GSR: variants seen among roughly 807,000 people sequenced by gnomAD.
GSR encodes glutathione reductase, mitochondrial.
Under a neutral mutation model 56.5 loss-of-function variants are expected in GSR, and 48 were observed. The observed-to-expected ratio is 0.85, with a 90% CI of 0.67 to 1.08. The LOEUF (loss-of-function observed/expected upper bound fraction) is 1.08, where lower values mean the gene tolerates loss of function less well. Ranked by LOEUF, GSR falls within the 50% of genes least tolerant of loss-of-function variation. GSR has a pLI of 0.00. For missense variants in GSR, 694 were observed against 703.3 expected, an observed-to-expected ratio of 0.99 and a Z score of 0.15; for synonymous variants, 264 against 270.8, an observed-to-expected ratio of 0.97 and a Z score of 0.25.
chr8:30,688,457 T>C (rs766645185), intron 9 of GSR, among the ~76,000 whole-genome samples: 2 of 151,134 alleles, frequency 1.3e-5, no homozygotes, highest in African/African-American at 4.9e-5. Flanking sequence ...CACATTCCTG[T>C]AGCTCCAGCT....
At chr8:30,719,388 T>C (rs1804453088) in intron 1 of GSR, among the ~76,000 whole-genome samples, 1 of 152,004 alleles carries the variant, frequency 6.6e-6, no homozygotes, top group Non-Finnish European at 1.5e-5. Flanking sequence ...AGTGCTGGGA[T>C]TACTGGCCTG....
intron 5 of GSR, among the ~76,000 whole-genome samples, chr8:30,701,503 A>G (rs1243003201): frequency 1.4e-5 from 2 of 138,768 alleles, no homozygotes; most frequent in African/African-American, 5.4e-5. Context: ...TATATGTTGC[A>G]TTTTGGCCGG....
chr8:30,681,051 TA>T lies in GSR; in HGVS notation c.1286-15del. ...GAATGGCTTCATCTACAATGCACAT[TA>T]AAAAAAGCATCTATCAGAAAACTAA... On this transcript the variant is annotated splice_polypyrimidine_tract_variant and intron_variant, in intron 11 of 12. Coordinates refer to ENST00000221130, the MANE Select transcript of GSR (RefSeq NM_000637.5). 6.9e-6 allele frequency: 11 copies of T among 1,600,078 alleles called. No individual in the cohort carries two copies. Among genetic ancestry groups the T allele is most frequent in the African/African-American group, 1.3e-5 (1 of 74,732 alleles).
intron 4 of GSR, 80 bp downstream of exon 4, chr8:30,707,992 G>T: frequency 1.1e-6 from 1 of 874,756 alleles, no homozygotes. Context: ...AAATAAATAG[G>T]GCTACAGTCT....
chr8:30,681,335 G>C (rs997903921), intron 11 of GSR, among the ~76,000 whole-genome samples: 1 of 152,090 alleles, frequency 6.6e-6, no homozygotes, highest in Non-Finnish European at 1.5e-5. Flanking sequence ...ATTGAGACCA[G>C]CCTGGGCAAC....
chr8:30,685,361 G>T (rs972909835), intron 9 of GSR, among the ~76,000 whole-genome samples: 1 of 152,094 alleles, frequency 6.6e-6, no homozygotes, highest in Non-Finnish European at 1.5e-5. Context: ...AAAGCACTGG[G>T]GTTACAGGTG....
chr8:30,706,343 T>C (rs1225646497), intron 4 of GSR, among the ~76,000 whole-genome samples: 1 of 151,170 alleles, frequency 6.6e-6, no homozygotes, highest in Non-Finnish European at 1.5e-5. Flanking sequence ...CTACTAAAAA[T>C]ACAAAAAAAA....
At chr8:30,704,167 A>G (rs1407693073) in intron 4 of GSR, among the ~76,000 whole-genome samples, 1 of 152,076 alleles carries the variant, frequency 6.6e-6, no homozygotes, top group Admixed American at 6.6e-5. Context: ...TCTACTAAAA[A>G]TATAAAAATT....
chr8:30,679,276 TA>T lies in GSR; in HGVS notation c.*243del, dbSNP rs745646630. On this transcript the variant is annotated 3_prime_UTR_variant, in exon 13 of 13. Coordinates refer to ENST00000221130, the MANE Select transcript of GSR (RefSeq NM_000637.5). ...AAAAAAACTAGCACAGAGCTGTTAATAAAAAAAAAACTTGAAAATATTAATT... is the reference window on the plus strand; with the variant it reads ...AAAAAAACTAGCACAGAGCTGTTAATAAAAAAAAACTTGAAAATATTAATT... 529 of 452,654 alleles carry T rather than the reference TA, an allele frequency of 1.2e-3. No homozygotes were observed. The highest frequency in any genetic ancestry group is 1.5e-3 in the East Asian group (36 of 24,726). 28.0% of individuals were successfully genotyped at this position (452,654 alleles called of 1,614,324 possible). A position where few individuals can be genotyped will look rare whatever the true frequency, so the allele number is the denominator to read the frequency against.
chr8:30,698,893 C>A (rs1253138809), intron 6 of GSR, among the ~76,000 whole-genome samples: 1 of 152,188 alleles, frequency 6.6e-6, no homozygotes, highest in Non-Finnish European at 1.5e-5. Flanking sequence ...CACCTCTTCT[C>A]ACAAGTGACA....
intron 5 of GSR, among the ~76,000 whole-genome samples, chr8:30,701,964 T>C (rs995335039): frequency 6.6e-6 from 1 of 150,970 alleles, no homozygotes; most frequent in Admixed American, 6.6e-5. Context: ...CTAAACGTCC[T>C]GGTCAAGGCC....
chr8:30,685,975 G>A (rs1428539257), intron 9 of GSR, among the ~76,000 whole-genome samples: 2 of 90,052 alleles, frequency 2.2e-5, no homozygotes, highest in Non-Finnish European at 3.9e-5. Context: ...AACAGAAAGA[G>A]ACTCTGCCTC....
intron 2 of GSR, among the ~76,000 whole-genome samples, chr8:30,711,266 T>C (rs1212920801): frequency 1.3e-5 from 2 of 152,188 alleles, no homozygotes; most frequent in Non-Finnish European, 2.9e-5. Context: ...TTACAACATA[T>C]GTTGAAAGTA....
chr8:30,692,716 G>A (rs930239477), intron 8 of GSR, among the ~76,000 whole-genome samples: 1 of 151,622 alleles, frequency 6.6e-6, no homozygotes, highest in Non-Finnish European at 1.5e-5. Context: ...TGGCCAGGCT[G>A]TTCTCGAAGT....
chr8:30,680,752 C>T, intron 12 of GSR, 152 bp downstream of exon 12: 1 of 744,804 alleles, frequency 1.3e-6, no homozygotes, highest in Non-Finnish European at 2.4e-6. Flanking sequence ...TTATGAAGAA[C>T]CCCAAAATGC....
Position 30,700,109 on chromosome 8 carries a change from C to T in GSR, c.667G>A (p.Gly223Arg), listed in dbSNP as rs1256371607. Residue 223 changes from glycine to arginine, a missense_variant, in exon 6 of 13, where the codon GGA becomes AGA. Physicochemically the swap from Gly to Arg is moderately radical, Grantham distance 125. Coordinates refer to ENST00000221130, the MANE Select transcript of GSR (RefSeq NM_000637.5). ...PGASLGITSD[G>R]FFQLEELPGR... ...GGCAATTCTTCCAGCTGAAAAAATC[C>T]ATCGCTGGTTATTCCTAAGCTGGCA... 6.2e-7 allele frequency: 1 copy of T among 1,613,448 alleles called. No individual in the cohort carries two copies. The highest frequency in any genetic ancestry group is 1.7e-5 in the Admixed American group (1 of 59,988).
chr8:30,715,632 C>T (rs534405262), intron 1 of GSR, among the ~76,000 whole-genome samples: 2 of 152,204 alleles, frequency 1.3e-5, no homozygotes, highest in Non-Finnish European at 2.9e-5. Context: ...TTTAAGTTCA[C>T]TAAGTGGCTT....
chr8:30,685,619 T>C (rs1803133630), intron 9 of GSR, among the ~76,000 whole-genome samples: 1 of 152,068 alleles, frequency 6.6e-6, no homozygotes, highest in Non-Finnish European at 1.5e-5. Flanking sequence ...GCTTTGCAAA[T>C]CCTAAGTATA....
intron 1 of GSR, among the ~76,000 whole-genome samples, chr8:30,713,469 A>G (rs2061449695): frequency 6.6e-6 from 1 of 150,490 alleles, no homozygotes; most frequent in Non-Finnish European, 1.5e-5. Flanking sequence ...AGCAATTCTC[A>G]TGCCTCAGCC....
Sources: allele counts gnomAD v4.1 joint callset (sites outside exome capture counted in the v4.1 genomes callset), GRCh38; gene constraint gnomAD v4.1.1; transcripts MANE v1.5; gene names NCBI Gene and HGNC (gene_info 2026-07-23, HGNC 2026-07-21).